RYR3: variants seen among roughly 807,000 people sequenced by gnomAD.
The protein encoded by RYR3 is brain ryanodine receptor-calcium release channel.
Under a neutral mutation model 584.3 loss-of-function variants are expected in RYR3, and 207 were observed. That is an observed-to-expected ratio of 0.35 (90% confidence interval 0.32 to 0.40). The LOEUF is 0.40. Among genes scored for constraint, RYR3 ranks in the 10% least tolerant of loss-of-function variants. RYR3 has a pLI of 1.00. For synonymous variants in RYR3, 2,416 were observed against 2,248.5 expected (o/e 1.07, Z -2.11); for missense variants, 5,616 against 6,089.2 (o/e 0.92, Z 2.59).
At chr15:33,389,692 C>T (rs752910215) in intron 1 of RYR3, among the ~76,000 whole-genome samples, 9 of 152,072 alleles carry the variant, frequency 5.9e-5, no homozygotes, top group Non-Finnish European at 1.3e-4. Flanking sequence ...GTGATCATAA[C>T]CTTATAAAAT....
At chr15:33,422,409 G>A (rs181528818) in intron 1 of RYR3, among the ~76,000 whole-genome samples, 60 of 152,242 alleles carry the variant, frequency 3.9e-4, no homozygotes, top group Admixed American at 3.6e-3. Context: ...ATATGGAATG[G>A]CATATTTCCT....
At chr15:33,434,138 T>TA (rs1055228413) in intron 1 of RYR3, among the ~76,000 whole-genome samples, 1 of 152,230 alleles carries the variant, frequency 6.6e-6, no homozygotes, top group African/African-American at 2.4e-5. Flanking sequence ...TCTTCAAAAA[T>TA]AGTTGATGAT....
At chr15:33,791,583 T>C (rs1297705562) in intron 67 of RYR3, among the ~76,000 whole-genome samples, 1 of 151,974 alleles carries the variant, frequency 6.6e-6, no homozygotes, top group Non-Finnish European at 1.5e-5. Context: ...ACCAGGGAGA[T>C]GCGGGGTGAT....
intron 69 of RYR3, among the ~76,000 whole-genome samples, chr15:33,805,773 G>A (rs894240848): frequency 2.6e-4 from 40 of 152,104 alleles, no homozygotes; most frequent in Non-Finnish European, 4.4e-4. Flanking sequence ...CACCACACCC[G>A]GCCTTCTCTT....
chr15:33,737,816 C>G (rs892020779), intron 49 of RYR3, among the ~76,000 whole-genome samples: 3 of 152,164 alleles, frequency 2.0e-5, no homozygotes, highest in Non-Finnish European at 2.9e-5. Context: ...CCTCTCAAAT[C>G]TGTGGGATTT....
At chr15:33,593,830 C>T (rs2059248789) in intron 16 of RYR3, among the ~76,000 whole-genome samples, 1 of 152,132 alleles carries the variant, frequency 6.6e-6, no homozygotes. Flanking sequence ...TCTGCAGTTT[C>T]CCATTTTCAC....
At chr15:33,554,061 CGA>C (rs2056887068) in intron 10 of RYR3, among the ~76,000 whole-genome samples, 1 of 152,286 alleles carries the variant, frequency 6.6e-6, no homozygotes, top group East Asian at 1.9e-4. Context: ...TGCTTTCAGG[CGA>C]GTGTCAAGTG....
intron 1 of RYR3, among the ~76,000 whole-genome samples, chr15:33,365,858 C>T (rs1170389337): frequency 6.6e-6 from 1 of 152,120 alleles, no homozygotes; most frequent in African/African-American, 2.4e-5. Context: ...CAGCCTTTTA[C>T]ATATCAGTCA....
intron 3 of RYR3, among the ~76,000 whole-genome samples, chr15:33,521,559 C>T (rs1391321471): frequency 6.6e-6 from 1 of 152,084 alleles, no homozygotes; most frequent in East Asian, 1.9e-4. Flanking sequence ...CTCTGTTTTC[C>T]TTGCTTAGTG....
In RYR3 at chr15:33,566,719, A is replaced by C; in HGVS notation, c.1188A>C (p.Thr396=). Residue 396 remains threonine (T), a synonymous_variant, in exon 12 of 104, where the codon ACA becomes ACC. Coordinates refer to ENST00000634891, the MANE Select transcript of RYR3 (RefSeq NM_001036.6). The part of the protein sequence containing the change: ...HQEGHMDDGL[T]LQRCQREESQ... ...AAGGCCACATGGATGATGGATTAAC[A>C]CTGCAGAGATGCCAGCGTGAGGAGT... The C allele has an allele frequency of 6.2e-7, 1 of 1,613,758 alleles. No individual in the cohort carries two copies. The highest frequency in any genetic ancestry group is 8.5e-7 in the Non-Finnish European group (1 of 1,179,702).
In RYR3 at chr15:33,700,982, C is replaced by T; in HGVS notation, c.6385C>T (p.Pro2129Ser). Residue 2129 changes from proline to serine, a missense_variant, in exon 42 of 104, where the codon CCG becomes TCG. By Grantham distance (74) the Pro-to-Ser change is moderately conservative (BLOSUM62 -1). This residue lies in a region of RYR3 where 1,280 missense variants were observed against 1,426.2 expected (regional missense o/e 0.90). Transcript: ENST00000634891. The stretch of plus-strand genomic sequence containing the variant: ...ATTCTCCCCTCCTCCCTCAGCCTCC[C>T]CGTCGATGAGGGGATCCACCCCGCT... ...LENSSVGLAS[P>S]SMRGSTPLDV... 1 of 1,611,990 alleles carries T rather than the reference C, an allele frequency of 6.2e-7. No homozygotes were observed. The highest frequency in any genetic ancestry group is 8.5e-7 in the Non-Finnish European group (1 of 1,178,642).
intron 3 of RYR3, among the ~76,000 whole-genome samples, chr15:33,509,221 C>T (rs1403619165): frequency 6.6e-6 from 1 of 152,194 alleles, no homozygotes; most frequent in Non-Finnish European, 1.5e-5. Flanking sequence ...TTAGAAGCCC[C>T]TTGTTTAAAG....
chr15:33,653,460 A>G (rs2062618813), intron 32 of RYR3, among the ~76,000 whole-genome samples: 1 of 152,098 alleles, frequency 6.6e-6, no homozygotes, highest in Non-Finnish European at 1.5e-5. Context: ...TCATGAGGTC[A>G]GGAGATTGAG....
rs2058823271 is a variant in RYR3, at chr15:33,585,873, T to C, written c.1670-125T>C. 2.3e-5 allele frequency: 14 copies of C among 615,596 alleles called. No homozygotes were observed. The East Asian group carries it at 4.0e-4, about 18-fold the overall frequency. The allele number at this position is 615,596 out of a possible 1,614,324, so 38.1% of individuals were successfully genotyped here. On this transcript the variant is annotated intron_variant, in intron 15 of 103. Coordinates refer to ENST00000634891, the MANE Select transcript of RYR3 (RefSeq NM_001036.6). The stretch of plus-strand genomic sequence containing the variant: ...TTTTTTTCTGGCTGGAAAGATTTGA[T>C]AGATTCAAAGAATTGACGATATCCT...
chr15:33,527,007 G>A (rs948703368), intron 3 of RYR3, among the ~76,000 whole-genome samples: 1 of 152,280 alleles, frequency 6.6e-6, no homozygotes, highest in Admixed American at 6.5e-5. Flanking sequence ...GTGTGCAGAA[G>A]CTTTGTGGTG....
At chr15:33,376,502 G>T (rs137940075) in intron 1 of RYR3, among the ~76,000 whole-genome samples, 147 of 152,324 alleles carry the variant, frequency 9.7e-4, no homozygotes, top group Non-Finnish European at 1.5e-3. Context: ...ATTGAGGCAA[G>T]GGAACAGGGC....
rs181383250 is a variant in RYR3, at chr15:33,354,277, G to C, written c.51+43181G>C. Reference sequence around the variant, plus strand: ...CCACTGTGAAAGAACCATGTAGTAAGATGCCCATTTCTTAGTGTTCCTATC... The same window carrying C: ...CCACTGTGAAAGAACCATGTAGTAACATGCCCATTTCTTAGTGTTCCTATC... On this transcript the variant is annotated intron_variant, in intron 1 of 103. Transcript: ENST00000634891. Among the ~76,000 whole-genome samples the C allele has an allele frequency of 3.9e-3, 595 of 152,290 alleles. 1 individual carries two copies. The highest frequency in any genetic ancestry group is 0.024 in the Middle Eastern group (7 of 294).
chr15:33,693,929 C>T (rs949488957), intron 38 of RYR3, among the ~76,000 whole-genome samples: 1 of 152,054 alleles, frequency 6.6e-6, no homozygotes, highest in Admixed American at 6.5e-5. Flanking sequence ...CGGACTAGGC[C>T]CTGTATTATT....
intron 41 of RYR3, 78 bp downstream of exon 41, chr15:33,699,911 G>A: frequency 6.9e-7 from 1 of 1,458,738 alleles, no homozygotes; most frequent in Non-Finnish European, 9.5e-7. Context: ...GGAAAATACA[G>A]GGAAAGGAGC....
Sources: gnomAD v4.1 joint callset for allele counts (sites outside exome capture counted in the v4.1 genomes callset) on GRCh38, gnomAD v4.1.1 for gene constraint, gnomAD v4.1.1 regional missense constraint, MANE v1.5 for transcripts, NCBI Gene and HGNC (gene_info 2026-07-23, HGNC 2026-07-21) for gene names.